The following AMACR variants were observed in gnomAD, a reference collection of about 807,000 sequenced individuals.
AMACR encodes the protein alpha-methylacyl-CoA racemase, also known as 2-methylacyl-CoA racemase.
Under a neutral mutation model 22.2 loss-of-function variants are expected in AMACR, and 18 were observed. The ratio of observed to expected loss-of-function variants is 0.81; its 90% confidence interval spans 0.56 to 1.20. The LOEUF is 1.20. Among genes scored for constraint, AMACR ranks in the 50% most tolerant of loss-of-function variants. The pLI, the probability that AMACR is intolerant of heterozygous loss-of-function variation, is 0.00. For missense variants in AMACR, 499 were observed against 490.6 expected, an observed-to-expected ratio of 1.02 and a Z score of -0.16; for synonymous variants, 213 against 191.3, an observed-to-expected ratio of 1.11 and a Z score of -0.94.
intron 3 of AMACR, 131 bp downstream of exon 3, chr5:34,004,443 A>G (rs1579584066): frequency 8.5e-7 from 1 of 1,172,518 alleles, no homozygotes; most frequent in African/African-American, 1.5e-5. Context: ...AGAAAAGGAT[A>G]TCCTTGGTAA....
rs182054329 is a variant in AMACR, at chr5:33,995,791, C to A, written c.739+2850G>T. Among the ~76,000 whole-genome samples, 412 of 152,310 alleles carry A rather than the reference C, an allele frequency of 2.7e-3. 7 individuals carry two copies. Among genetic ancestry groups the A allele is most frequent in the Middle Eastern group, 6.8e-3 (2 of 294 alleles). On this transcript the variant is annotated intron_variant, in intron 4 of 4. Transcript: ENST00000335606. ...ATTAAAGCAATGAGAACACTAACAA[C>A]AACTGTCAGAATTAACTTTTTCATA...
Sources: gnomAD v4.1 joint callset for allele counts (sites outside exome capture counted in the v4.1 genomes callset) on GRCh38, gnomAD v4.1.1 for gene constraint, MANE v1.5 for transcripts, NCBI Gene and HGNC (gene_info 2026-07-23, HGNC 2026-07-21) for gene names.